SCP2: variants seen among roughly 807,000 people sequenced by gnomAD.
SCP2 encodes sterol carrier protein 2.
In SCP2, 48 loss-of-function variants were observed where a neutral mutation model predicts 71.4. The ratio of observed to expected loss-of-function variants is 0.67; its 90% CI spans 0.53 to 0.86. The LOEUF is 0.86. SCP2 is among the 40% of genes least tolerant of loss of function. SCP2 has a pLI of 0.00. For missense variants in SCP2, 560 were observed against 655.6 expected, an observed-to-expected ratio of 0.85 and a Z score of 1.59; for synonymous variants, 220 against 218.1, an observed-to-expected ratio of 1.01 and a Z score of -0.08.
chr1:52,957,672 A>G lies in SCP2; in HGVS notation c.396+2868A>G, dbSNP rs188513896. Among the ~76,000 whole-genome samples, 382 of 152,390 alleles carry G rather than the reference A, an allele frequency of 2.5e-3. 2 individuals are homozygous for G. The Middle Eastern group carries it at 0.054, about 22-fold the overall frequency. On this transcript the variant is annotated intron_variant, in intron 5 of 15. Transcript: ENST00000371514. ...CAACCGAGGAAAATTTAATTTTAACAAAGTCCAGCTTTTCAATTCTTTCTC... is the reference window on the plus strand; with the variant it reads ...CAACCGAGGAAAATTTAATTTTAACGAAGTCCAGCTTTTCAATTCTTTCTC...
chr1:53,018,690 G>C (rs1661509494), intron 12 of SCP2, among the ~76,000 whole-genome samples: 1 of 151,168 alleles, frequency 6.6e-6, no homozygotes, highest in Admixed American at 6.6e-5. Flanking sequence ...GGGGTGAGCT[G>C]AGATCATGCC....
chr1:53,006,755 AC>A (rs368902590), intron 11 of SCP2, among the ~76,000 whole-genome samples: 47,827 of 151,330 alleles, frequency 0.32, 12,620 homozygotes, highest in African/African-American at 0.72. Context: ...CATCATAATG[AC>A]CAGGATCAAA....
At chr1:53,030,390 C>T (rs1218574784) in intron 13 of SCP2, among the ~76,000 whole-genome samples, 1 of 152,126 alleles carries the variant, frequency 6.6e-6, no homozygotes, top group Non-Finnish European at 1.5e-5. Flanking sequence ...GGGTGGTTGG[C>T]TACGTGCATT....
At chr1:52,959,351 A>T (rs1168195231) in intron 5 of SCP2, among the ~76,000 whole-genome samples, 1 of 151,674 alleles carries the variant, frequency 6.6e-6, no homozygotes, top group Non-Finnish European at 1.5e-5. Context: ...ATGCGCCACC[A>T]CGCCCTGCTA....
intron 12 of SCP2, among the ~76,000 whole-genome samples, chr1:53,024,013 C>T (rs1000426407): frequency 5.3e-5 from 8 of 152,274 alleles, no homozygotes; most frequent in African/African-American, 1.9e-4. Flanking sequence ...GTCTCCTCGT[C>T]CTGTCACAGG....
intron 15 of SCP2, chr1:53,048,207 C>A (rs1445400794): frequency 2.4e-6 from 1 of 410,302 alleles, no homozygotes; most frequent in Non-Finnish European, 4.7e-6. Context: ...GGTGCCACAC[C>A]TGGCTTGTGG....
intron 4 of SCP2, among the ~76,000 whole-genome samples, chr1:52,954,337 C>CAAA (rs1655605085): frequency 6.7e-6 from 1 of 150,180 alleles, no homozygotes; most frequent in South Asian, 2.1e-4. Flanking sequence ...AAACAAACAA[C>CAAA]AACAACAACA....
At chr1:53,005,459 C>A (rs1660573301) in intron 11 of SCP2, among the ~76,000 whole-genome samples, 1 of 152,190 alleles carries the variant, frequency 6.6e-6, no homozygotes, top group South Asian at 2.1e-4. Context: ...ATTTGCTGTT[C>A]TGCAATATTT....
intron 1 of SCP2, among the ~76,000 whole-genome samples, chr1:52,933,835 G>A (rs934702815): frequency 2.6e-5 from 4 of 152,160 alleles, no homozygotes; most frequent in Non-Finnish European, 4.4e-5. Flanking sequence ...GATATTGTTT[G>A]CCATTTTCAT....
intron 13 of SCP2, among the ~76,000 whole-genome samples, chr1:53,031,914 G>A (rs2150250988): frequency 6.6e-6 from 1 of 152,224 alleles, no homozygotes; most frequent in East Asian, 1.9e-4. Flanking sequence ...GTGTTTTCCT[G>A]CTGTAACTTG....
intron 11 of SCP2, among the ~76,000 whole-genome samples, chr1:53,005,383 C>G (rs755884267): frequency 6.6e-6 from 1 of 152,202 alleles, no homozygotes; most frequent in Non-Finnish European, 1.5e-5. Context: ...TAGGGGCTGA[C>G]CAACACCTCA....
chr1:52,930,278 T>C (rs925969372), intron 1 of SCP2, among the ~76,000 whole-genome samples: 1 of 151,892 alleles, frequency 6.6e-6, no homozygotes, highest in African/African-American at 2.4e-5. Flanking sequence ...AAGCAACGCT[T>C]ATTACATGTG....
intron 8 of SCP2, among the ~76,000 whole-genome samples, chr1:52,977,691 T>C (rs113889351): frequency 0.034 from 5,193 of 152,280 alleles, 166 homozygotes; most frequent in Non-Finnish European, 0.044. Flanking sequence ...CTGGGCGTGG[T>C]AGCTCACGCC....
intron 1 of SCP2, among the ~76,000 whole-genome samples, chr1:52,929,561 C>T (rs1398856741): frequency 6.6e-6 from 1 of 152,078 alleles, no homozygotes; most frequent in Non-Finnish European, 1.5e-5. Context: ...TTCTTCTGCT[C>T]AGCCTCCCAA....
At position 52,975,058 on chromosome 1, in the gene SCP2, C is replaced by CT. The variant is rs1414141113; in HGVS notation, c.587+234dup. Among the ~76,000 whole-genome samples the CT allele has an allele frequency of 4.0e-5, 6 of 151,760 alleles. No individual in the cohort carries two copies. The East Asian group carries it at 7.7e-4, about 19-fold the overall frequency. Reference sequence around the variant, plus strand: ...ATCATTTAGGCTAATGACCCTTTTTCTTTTTTTTGAGACAGAGCCTCGCTG... The same window carrying CT: ...ATCATTTAGGCTAATGACCCTTTTTCTTTTTTTTTGAGACAGAGCCTCGCTG... On this transcript the variant is annotated intron_variant, in intron 7 of 15. Coordinates refer to ENST00000371514, the MANE Select transcript of SCP2 (RefSeq NM_002979.5).
chr1:52,931,954 CA>C, intron 1 of SCP2, among the ~76,000 whole-genome samples: 1 of 151,572 alleles, frequency 6.6e-6, no homozygotes, highest in East Asian at 1.9e-4. Context: ...AAAAAAAAGA[CA>C]TAGGAAAGAG....
At chr1:52,942,652 T>A (rs1407219087) in intron 2 of SCP2, among the ~76,000 whole-genome samples, 1 of 151,974 alleles carries the variant, frequency 6.6e-6, no homozygotes, top group East Asian at 1.9e-4. Flanking sequence ...TTAATTATTT[T>A]TAAAAAATCC....
rs1658382249 is a variant in SCP2 at position 52,980,445 on chromosome 1, C to G, written c.875C>G (p.Ser292Cys). 4 of 1,613,962 alleles carry G rather than the reference C, an allele frequency of 2.5e-6. No individual in the cohort carries two copies. In the African/African-American group the frequency reaches 4.0e-5, roughly 16 times the overall value. Residue 292 changes from serine (S) to cysteine (C), a missense_variant, in exon 10 of 16, where the codon TCT (serine) becomes TGT (cysteine). Ser to Cys is a moderately radical substitution (Grantham distance 112). Coordinates refer to ENST00000371514, the MANE Select transcript of SCP2 (RefSeq NM_002979.5). ...KEAARKCYEKSGLTPNDIDVI... is the reference protein window; with the variant it reads ...KEAARKCYEKCGLTPNDIDVI... ...GCTGCAAGAAAATGCTATGAGAAAT[C>G]TGGCCTGACACCAAATGATATTGAC...
At chr1:53,015,645 T>C (rs1661285932) in intron 12 of SCP2, among the ~76,000 whole-genome samples, 1 of 152,214 alleles carries the variant, frequency 6.6e-6, no homozygotes, top group Non-Finnish European at 1.5e-5. Flanking sequence ...ATGCTTTTGT[T>C]TCCAGTCACT....
Sources: allele counts gnomAD v4.1 joint callset (sites outside exome capture counted in the v4.1 genomes callset), GRCh38; gene constraint gnomAD v4.1.1; transcripts MANE v1.5; gene names NCBI Gene and HGNC (gene_info 2026-07-23, HGNC 2026-07-21).